ZBTB20: variants seen among roughly 807,000 people sequenced by gnomAD.
ZBTB20 encodes the protein zinc finger and BTB domain containing 20.
ZBTB20 carries 9 observed loss-of-function variants against 56.9 expected under a neutral mutation model. The ratio of observed to expected loss-of-function variants is 0.16; its 90% confidence interval spans 0.10 to 0.28. The LOEUF (loss-of-function observed/expected upper bound fraction) is 0.28. Among genes scored for constraint, ZBTB20 ranks in the 10% least tolerant of loss-of-function variants. The pLI, the probability that ZBTB20 is intolerant of heterozygous loss-of-function variation, is 1.00. For synonymous variants in ZBTB20, 417 were observed against 420.7 expected, an observed-to-expected ratio of 0.99 and a Z score of 0.11; for missense variants, 655 against 1,003.0, an observed-to-expected ratio of 0.65 and a Z score of 4.69.
chr3:114,823,593 C>T (rs557412984), intron 4 of ZBTB20, among the ~76,000 whole-genome samples: 71 of 152,106 alleles, frequency 4.7e-4, no homozygotes, highest in Middle Eastern at 3.4e-3. Context: ...CTAAAGCACA[C>T]TATAGACTTG....
chr3:114,969,815 T>C (rs1051547553), intron 3 of ZBTB20, among the ~76,000 whole-genome samples: 6 of 152,210 alleles, frequency 3.9e-5, no homozygotes, highest in Non-Finnish European at 5.9e-5. Flanking sequence ...AATGCTTACA[T>C]GGTAACTGCT....
chr3:115,021,399 T>C (rs948722555), intron 2 of ZBTB20, among the ~76,000 whole-genome samples: 1 of 150,898 alleles, frequency 6.6e-6, no homozygotes, highest in Non-Finnish European at 1.5e-5. Context: ...TTTCCATAGA[T>C]ACATATATAT....
chr3:114,391,778 C>T (rs1442957657), intron 7 of ZBTB20, among the ~76,000 whole-genome samples: 1 of 152,114 alleles, frequency 6.6e-6, no homozygotes. Flanking sequence ...CCTCATTTTT[C>T]AGACGAAGAG....
At chr3:114,508,385 C>T (rs2044906100) in intron 6 of ZBTB20, among the ~76,000 whole-genome samples, 1 of 152,102 alleles carries the variant, frequency 6.6e-6, no homozygotes, top group South Asian at 2.1e-4. Context: ...CTTGTCTGAA[C>T]CAAATTCATT....
At chr3:114,677,468 T>G (rs2061694803) in intron 6 of ZBTB20, among the ~76,000 whole-genome samples, 1 of 152,112 alleles carries the variant, frequency 6.6e-6, no homozygotes, top group African/African-American at 2.4e-5. Context: ...CAAACCCTAC[T>G]GTGAACTGTG....
At chr3:114,480,013 T>C (rs2109353339) in intron 7 of ZBTB20, among the ~76,000 whole-genome samples, 1 of 152,376 alleles carries the variant, frequency 6.6e-6, no homozygotes, top group Non-Finnish European at 1.5e-5. Flanking sequence ...ACTGGATCAC[T>C]GCTTAAGTAG....
At chr3:114,855,423 T>G (rs2075203739) in intron 4 of ZBTB20, among the ~76,000 whole-genome samples, 1 of 152,226 alleles carries the variant, frequency 6.6e-6, no homozygotes, top group Admixed American at 6.5e-5. Context: ...GTTGAGCTAG[T>G]GTTTTCCTAG....
At chr3:115,100,721 T>A (rs574595538) in intron 1 of ZBTB20, 16 of 152,372 alleles carry the variant, frequency 1.1e-4, no homozygotes, top group African/African-American at 3.8e-4. Context: ...TTATCATAAA[T>A]ACATTTTTTG....
chr3:115,109,933 G>A (rs910029899), intron 1 of ZBTB20, among the ~76,000 whole-genome samples: 3 of 152,180 alleles, frequency 2.0e-5, no homozygotes, highest in Non-Finnish European at 4.4e-5. Flanking sequence ...CATTAGGCGG[G>A]GCACTGTGGC....
chr3:114,554,164 T>G (rs1269628608), intron 6 of ZBTB20, among the ~76,000 whole-genome samples: 3 of 152,190 alleles, frequency 2.0e-5, no homozygotes, highest in Non-Finnish European at 4.4e-5. Context: ...TCATTTTCAT[T>G]ACTCTGTTTC....
chr3:114,650,065 T>C (rs2060048754), intron 6 of ZBTB20, among the ~76,000 whole-genome samples: 1 of 151,740 alleles, frequency 6.6e-6, no homozygotes, highest in Non-Finnish European at 1.5e-5. Flanking sequence ...TGGATAAGAG[T>C]ATCATGAAAG....
chr3:114,805,528 G>A lies in ZBTB20; in HGVS notation c.-416-4354C>T, dbSNP rs188190439. On this transcript the variant is annotated intron_variant, in intron 4 of 11. Transcript: ENST00000675478. ...TAACATCAAAGGTATATGATATCTC[G>A]GGGTATGTTAACCTTGGTCGCTTGC... 5.1e-3 allele frequency among the ~76,000 whole-genome samples: 769 copies of A among 151,756 alleles called. 4 individuals are homozygous for A. Among genetic ancestry groups the A allele is most frequent in the South Asian group, 0.026 (125 of 4,812 alleles).
chr3:114,825,793 T>G (rs763840596), intron 4 of ZBTB20, among the ~76,000 whole-genome samples: 32 of 151,820 alleles, frequency 2.1e-4, no homozygotes, highest in Non-Finnish European at 4.3e-4. Flanking sequence ...AGTCAATTAT[T>G]TTTAGAAAAA....
At chr3:114,723,549 T>C (rs891931063) in intron 5 of ZBTB20, among the ~76,000 whole-genome samples, 4 of 152,176 alleles carry the variant, frequency 2.6e-5, no homozygotes, top group South Asian at 4.1e-4. Flanking sequence ...TGGGTGTCCA[T>C]AGAAGGACCT....
At chr3:114,672,100 GAATA>G in intron 6 of ZBTB20, among the ~76,000 whole-genome samples, 1 of 151,910 alleles carries the variant, frequency 6.6e-6, no homozygotes, top group Middle Eastern at 3.4e-3. Flanking sequence ...GAAGAAAACT[GAATA>G]AAAATTAATT....
intron 1 of ZBTB20, among the ~76,000 whole-genome samples, chr3:115,096,174 T>A (rs1419686714): frequency 6.6e-6 from 1 of 152,222 alleles, no homozygotes; most frequent in Non-Finnish European, 1.5e-5. Context: ...TGGTTTCTAA[T>A]TTAATGATAA....
chr3:114,377,542 T>C (rs905964815), intron 10 of ZBTB20, among the ~76,000 whole-genome samples: 1 of 152,206 alleles, frequency 6.6e-6, no homozygotes, highest in Non-Finnish European at 1.5e-5. Context: ...TACCCACCCA[T>C]GTCAGTTCAT....
At chr3:114,410,387 T>C (rs1379101214) in intron 7 of ZBTB20, among the ~76,000 whole-genome samples, 2 of 152,104 alleles carry the variant, frequency 1.3e-5, no homozygotes, top group Non-Finnish European at 2.9e-5. Context: ...ATGAGGGGCT[T>C]AGGAGTTTTT....
intron 7 of ZBTB20, among the ~76,000 whole-genome samples, chr3:114,447,577 C>T (rs1340653034): frequency 6.6e-6 from 1 of 152,146 alleles, no homozygotes; most frequent in Non-Finnish European, 1.5e-5. Flanking sequence ...AGAACAAATG[C>T]TTCATGTCTC....
Sources: allele counts gnomAD v4.1 joint callset (sites outside exome capture counted in the v4.1 genomes callset), GRCh38; gene constraint gnomAD v4.1.1; transcripts MANE v1.5; gene names NCBI Gene and HGNC (gene_info 2026-07-23, HGNC 2026-07-21).